Variants in GRHL3 observed in about 807,000 individuals in gnomAD.
GRHL3 encodes the protein grainyhead like transcription factor 3, also known as grainyhead-like protein 3 homolog.
In GRHL3, 20 loss-of-function variants were observed where a neutral mutation model predicts 70.3. That is an observed-to-expected ratio of 0.28 (90% CI 0.20 to 0.41). GRHL3 has a LOEUF of 0.41. Among genes scored for constraint, GRHL3 ranks in the 10% least tolerant of loss-of-function variants. The pLI is 1.00. For synonymous variants in GRHL3, 299 were observed against 299.9 expected, an observed-to-expected ratio of 1.00 and a Z score of 0.03; for missense variants, 637 against 762.3, an observed-to-expected ratio of 0.84 and a Z score of 1.94.
In GRHL3 at chr1:24,338,112, C is replaced by T. The variant is rs375107232; in HGVS notation, c.952+9C>T. 6.0e-5 allele frequency: 94 copies of T among 1,565,574 alleles called. No individual in the cohort carries two copies. The highest frequency in any genetic ancestry group is 7.0e-5 in the Non-Finnish European group (80 of 1,147,898). On this transcript the variant is annotated intron_variant, in intron 7 of 15. Transcript: ENST00000361548. ...GCGGGTCATTGACGTGGGTGAGAGCCTTCTCAAGCCTCCATTCCAGCTCCC... is the reference window on the plus strand; with the variant it reads ...GCGGGTCATTGACGTGGGTGAGAGCTTTCTCAAGCCTCCATTCCAGCTCCC...
chr1:24,323,084 G>T (rs1332795255), intron 1 of GRHL3: 1 of 1,547,650 alleles, frequency 6.5e-7, no homozygotes, highest in Admixed American at 2.0e-5. Flanking sequence ...CTGAGCAGAA[G>T]AATGTGGATG....
Position 24,338,048 on chromosome 1 carries a change from C to T in GRHL3, c.897C>T (p.Phe299=), listed in dbSNP as rs759223377. 46 of 1,613,212 alleles carry T rather than the reference C, an allele frequency of 2.9e-5. No individual in the cohort carries two copies. Among genetic ancestry groups the T allele is most frequent in the Non-Finnish European group, 3.6e-5 (42 of 1,179,656 alleles). Reference sequence around the variant, plus strand: ...AGGTCCCAGTAGAGCAGCTGCGCTTCTGGAAGCACTGGCATTCCCGGCAAC... The same window carrying T: ...AGGTCCCAGTAGAGCAGCTGCGCTTTTGGAAGCACTGGCATTCCCGGCAAC... The part of the protein sequence containing the change: ...NEKVPVEQLR[F]WKHWHSRQPT... Residue 299 remains phenylalanine, a synonymous_variant, in exon 7 of 16, where the codon TTC becomes TTT. Transcript: ENST00000361548.
At chr1:24,356,185 C>T (rs1640711611), downstream of GRHL3, among the ~76,000 whole-genome samples, 1 of 152,012 alleles carries the variant, frequency 6.6e-6, no homozygotes, top group African/African-American at 2.4e-5. Context: ...AGGCGTGAGC[C>T]ACTGCACCTG....
intron 7 of GRHL3, among the ~76,000 whole-genome samples, chr1:24,338,721 C>G (rs774543783): frequency 2.0e-5 from 3 of 152,206 alleles, no homozygotes; most frequent in Non-Finnish European, 4.4e-5. Context: ...ATGATACACA[C>G]GGGACTGTTT....
In GRHL3 at chr1:24,334,538, A is replaced by G; in HGVS notation, c.205-107A>G. 5.0e-6 allele frequency: 4 copies of G among 800,908 alleles called. No homozygotes were observed. Among genetic ancestry groups the G allele is most frequent in the South Asian group, 1.5e-5 (1 of 64,628 alleles). 49.6% of individuals were successfully genotyped at this position (800,908 alleles called of 1,614,324 possible). A position where few individuals can be genotyped will look rare whatever the true frequency, so the allele number is the denominator to read the frequency against. On this transcript the variant is annotated intron_variant, in intron 2 of 15. Coordinates refer to ENST00000361548, the MANE Select transcript of GRHL3 (RefSeq NM_198173.3). The surrounding 1 kb of genome is among the most constrained non-coding windows in gnomAD (Gnocchi z 4.3). Reference sequence around the variant, plus strand: ...ATTTGGGTGGGGACACAGCCGAACCATATCACCAAAGTTACTCCCCTGCCT... The same window carrying G: ...ATTTGGGTGGGGACACAGCCGAACCGTATCACCAAAGTTACTCCCCTGCCT...
At chr1:24,327,542 G>A (rs756055871) in intron 1 of GRHL3, among the ~76,000 whole-genome samples, 3 of 152,216 alleles carry the variant, frequency 2.0e-5, no homozygotes, top group Non-Finnish European at 4.4e-5. Context: ...AGGTTCAGGT[G>A]TGCTGTGTCT....
Position 24,319,364 on chromosome 1 carries a change from G to A in GRHL3, c.-188G>A, listed in dbSNP as rs115551059. On this transcript the variant is annotated 5_prime_UTR_variant, in exon 1 of 16. Transcript: ENST00000361548. Reference sequence around the variant, plus strand: ...CTGTTGAGGTATACCTCCAGTCGCCGGCACCTGTACCTGTAGCCAATCAGC... The same window carrying A: ...CTGTTGAGGTATACCTCCAGTCGCCAGCACCTGTACCTGTAGCCAATCAGC... 2,294 of 656,064 alleles carry A rather than the reference G, an allele frequency of 3.5e-3. 14 individuals carry two copies. Among genetic ancestry groups the A allele is most frequent in the Non-Finnish European group, 5.5e-3 (1,992 of 361,650 alleles). 40.6% of individuals were successfully genotyped at this position (656,064 alleles called of 1,614,324 possible).
At chr1:24,339,077 G>C (rs1405251136) in intron 7 of GRHL3, among the ~76,000 whole-genome samples, 1 of 152,172 alleles carries the variant, frequency 6.6e-6, no homozygotes, top group African/African-American at 2.4e-5. Flanking sequence ...CTGGTGAAAA[G>C]TATAACCTCT....
intron 5 of GRHL3, 67 bp downstream of exon 5, chr1:24,337,218 C>T: frequency 8.9e-7 from 1 of 1,126,064 alleles, no homozygotes; most frequent in Non-Finnish European, 1.3e-6. Flanking sequence ...CAGAGCCCCA[C>T]ACTGTCCCCA....
rs554463475 is a variant in GRHL3 at position 24,354,466 on chromosome 1, A to G, written c.1787A>G (p.Gln596Arg). ...ATGGGGGAGCTGGACGGCAAAATTC[A>G]GATCATCCTTAAGGAGCTGTAAGGC... ...LDMGELDGKI[Q>R]IILKEL The change falls in exon 16 of 16, where the codon CAG (glutamine) becomes CGG (arginine). Residue 596 changes from glutamine (Q) to arginine (R), a missense_variant. This residue lies in a region of GRHL3 where 387 missense variants were observed against 513.8 expected (regional missense o/e 0.75). Coordinates refer to ENST00000361548, the MANE Select transcript of GRHL3 (RefSeq NM_198173.3). 1 of 1,613,210 alleles carries G rather than the reference A, an allele frequency of 6.2e-7. No individual in the cohort carries two copies. Among genetic ancestry groups the G allele is most frequent in the East Asian group, 2.2e-5 (1 of 44,834 alleles).
downstream of GRHL3, among the ~76,000 whole-genome samples, chr1:24,360,183 G>A (rs922771851): frequency 6.6e-6 from 1 of 152,152 alleles, no homozygotes; most frequent in African/African-American, 2.4e-5. Flanking sequence ...AGTGGCTCAC[G>A]CCTGTAATCC....
chr1:24,346,500 G>A, intron 12 of GRHL3, 53 bp from the exon 13 acceptor site: 1 of 1,302,920 alleles, frequency 7.7e-7, no homozygotes, highest in South Asian at 1.2e-5. Flanking sequence ...GGGTCCTTGA[G>A]CCTCTAGGGG....
downstream of GRHL3, chr1:24,358,195 AAGTCTGCGCTTCAGGAGTCCCTTC>A (rs1640846844): frequency 7.5e-6 from 4 of 531,044 alleles, no homozygotes. Flanking sequence ...ATCCTCCTTG[AAGTCTGCGCTTCAGGAGTCCCTTC>A]AGTCTGCGGC....
In GRHL3 at chr1:24,331,585, C is replaced by G; in HGVS notation, c.177C>G (p.Ala59=). ...RVNGDDDSVA[A]LSFLYDYYMG... is the part of the protein sequence containing the mutation. ...ATGGAGATGATGACAGTGTTGCGGC[C>G]TTGAGCTTCCTCTATGATTACTACA... Residue 59 remains alanine, a synonymous_variant, in exon 2 of 16, where the codon GCC becomes GCG. Transcript: ENST00000361548. 2 of 1,613,874 alleles carry G rather than the reference C, an allele frequency of 1.2e-6. No individual in the cohort carries two copies. The highest frequency in any genetic ancestry group is 8.5e-7 in the Non-Finnish European group (1 of 1,179,858).
In GRHL3 at chr1:24,354,611, G is replaced by A. The variant is rs34016531; in HGVS notation, c.*123G>A. 2 of 657,886 alleles carry A rather than the reference G, an allele frequency of 3.0e-6. No homozygotes were observed. 40.8% of individuals were successfully genotyped at this position (657,886 alleles called of 1,614,324 possible). ...CTTGAATGCCTTCCCTGAGGGAAGA[G>A]GCCCTTGAGTCACAGACCCACAGAC... is the stretch of plus-strand genomic sequence containing the variant. On this transcript the variant is annotated 3_prime_UTR_variant, in exon 16 of 16. Coordinates refer to ENST00000361548, the MANE Select transcript of GRHL3 (RefSeq NM_198173.3).
At position 24,336,805 on chromosome 1, in the gene GRHL3, C is replaced by T; in HGVS notation, c.590C>T (p.Thr197Ile). 6.2e-7 allele frequency: 1 copy of T among 1,606,844 alleles called. No individual in the cohort carries two copies. The highest frequency in any genetic ancestry group is 8.5e-7 in the Non-Finnish European group (1 of 1,175,312). ...PPTQRWQPDS[T>I]FKDDPQESML... is the part of the protein sequence containing the mutation. The stretch of plus-strand genomic sequence containing the variant: ...ACACAGCGCTGGCAGCCAGACAGCA[C>T]CTTCAAAGATGACCCACAGGAGGTG... The change falls in exon 4 of 16, where the codon ACC (threonine) becomes ATC (isoleucine). Residue 197 changes from threonine to isoleucine, a missense_variant. This residue lies in a region of GRHL3 where 250 missense variants were observed against 248.6 expected (regional missense o/e 1.01). Transcript: ENST00000361548.
chr1:24,337,910 G>A, intron 6 of GRHL3, 82 bp from the exon 7 acceptor site: 1 of 1,550,632 alleles, frequency 6.4e-7, no homozygotes. Flanking sequence ...ACAGGGTTGG[G>A]GAAACTGAGG....
chr1:24,325,343 G>A (rs899846991), intron 1 of GRHL3, among the ~76,000 whole-genome samples: 1 of 152,142 alleles, frequency 6.6e-6, no homozygotes, highest in Non-Finnish European at 1.5e-5. Context: ...TTTCTTTTCT[G>A]TAGCTTAACT....
chr1:24,354,527 G>T lies in GRHL3; in HGVS notation c.*39G>T. The T allele has an allele frequency of 7.5e-7, 1 of 1,336,388 alleles. No homozygotes were observed. The allele number at this position is 1,336,388 out of a possible 1,614,324, so 82.8% of individuals were successfully genotyped here. Reference sequence around the variant, plus strand: ...TCCAAACCCTCACGACCTGCAAGGGGCCAGCAGGGACGTGGCCCCACGCCA... The same window carrying T: ...TCCAAACCCTCACGACCTGCAAGGGTCCAGCAGGGACGTGGCCCCACGCCA... On this transcript the variant is annotated 3_prime_UTR_variant, in exon 16 of 16. Coordinates refer to ENST00000361548, the MANE Select transcript of GRHL3 (RefSeq NM_198173.3).
Sources: allele counts gnomAD v4.1 joint callset (sites outside exome capture counted in the v4.1 genomes callset), GRCh38; gene constraint gnomAD v4.1.1; regional missense constraint gnomAD v4.1.1; non-coding constraint Gnocchi (gnomAD v3.1); transcripts MANE v1.5; gene names NCBI Gene and HGNC (gene_info 2026-07-23, HGNC 2026-07-21).